Variants in AUTS2 observed in about 807,000 individuals in gnomAD.
The protein encoded by AUTS2 is activator of transcription and developmental regulator AUTS2.
In AUTS2, 17 loss-of-function variants were observed where a neutral mutation model predicts 112.4. The ratio of observed to expected loss-of-function variants is 0.15; its 90% CI spans 0.10 to 0.23. The LOEUF is 0.23. Ranked by LOEUF, AUTS2 falls within the 10% of genes least tolerant of loss-of-function variation. The pLI is 1.00. For synonymous variants in AUTS2, 751 were observed against 702.7 expected (o/e 1.07, Z -1.09); for missense variants, 1,510 against 1,701.6 (o/e 0.89, Z 1.98).
chr7:70,632,447 T>A (rs1805311393), intron 5 of AUTS2, among the ~76,000 whole-genome samples: 1 of 151,944 alleles, frequency 6.6e-6, no homozygotes, highest in South Asian at 2.1e-4. Flanking sequence ...GTGGACCCTG[T>A]GGCTTCTTCA....
chr7:70,558,565 G>A (rs921488602), intron 5 of AUTS2, among the ~76,000 whole-genome samples: 1 of 152,176 alleles, frequency 6.6e-6, no homozygotes, highest in Non-Finnish European at 1.5e-5. Context: ...TGGGAAACTT[G>A]TATGGAAGCA....
At chr7:70,458,619 G>A (rs754048836) in intron 5 of AUTS2, among the ~76,000 whole-genome samples, 5 of 152,158 alleles carry the variant, frequency 3.3e-5, no homozygotes, top group Non-Finnish European at 5.9e-5. Context: ...TGTTTTTTAG[G>A]GTGGAGGGAA....
intron 1 of AUTS2, among the ~76,000 whole-genome samples, chr7:69,679,640 T>A (rs1213468978): frequency 6.6e-6 from 1 of 152,200 alleles, no homozygotes; most frequent in East Asian, 1.9e-4. Flanking sequence ...AAAATACTTC[T>A]GGGAATGATC....
At chr7:70,671,406 G>A (rs1807635240) in intron 5 of AUTS2, among the ~76,000 whole-genome samples, 1 of 152,152 alleles carries the variant, frequency 6.6e-6, no homozygotes, top group African/African-American at 2.4e-5. Flanking sequence ...GATAGCCCTA[G>A]CCCCTAGAAT....
At chr7:69,848,043 A>G (rs1792288841) in intron 1 of AUTS2, among the ~76,000 whole-genome samples, 2 of 152,226 alleles carry the variant, frequency 1.3e-5, no homozygotes. Flanking sequence ...GATAGAGAAC[A>G]GCCATCTGTA....
chr7:70,418,103 G>GTC (rs1554396537), intron 4 of AUTS2, among the ~76,000 whole-genome samples: 14 of 149,008 alleles, frequency 9.4e-5, no homozygotes, highest in African/African-American at 2.7e-4. Context: ...GTGTGTGTGT[G>GTC]TGTGTGTGTC....
intron 2 of AUTS2, among the ~76,000 whole-genome samples, chr7:70,110,125 T>C (rs1804989864): frequency 1.3e-5 from 2 of 152,244 alleles, no homozygotes; most frequent in South Asian, 2.1e-4. Context: ...ATAGTAATGA[T>C]GTCAAAGTCG....
intron 4 of AUTS2, among the ~76,000 whole-genome samples, chr7:70,249,883 A>G (rs932938590): frequency 3.9e-5 from 5 of 127,222 alleles, no homozygotes; most frequent in East Asian, 2.3e-4. Context: ...AAAATATTTT[A>G]AGTAAAATAT....
intron 4 of AUTS2, among the ~76,000 whole-genome samples, chr7:70,422,513 A>C (rs1339492436): frequency 1.3e-5 from 2 of 152,204 alleles, no homozygotes; most frequent in Admixed American, 1.3e-4. Flanking sequence ...ATAGTGGCTC[A>C]TGCCTGTAAT....
intron 5 of AUTS2, among the ~76,000 whole-genome samples, chr7:70,662,874 T>C (rs112536844): frequency 0.024 from 3,615 of 152,310 alleles, 124 homozygotes; most frequent in East Asian, 0.071. Flanking sequence ...TAAATTGATG[T>C]TGTGTTTCTT....
intron 5 of AUTS2, among the ~76,000 whole-genome samples, chr7:70,629,053 G>A (rs1484191173): frequency 2.6e-5 from 4 of 152,128 alleles, no homozygotes; most frequent in Admixed American, 1.3e-4. Flanking sequence ...CGGGGCAGTC[G>A]GGTTTGCTGT....
intron 1 of AUTS2, among the ~76,000 whole-genome samples, chr7:69,678,813 A>G (rs1404879980): frequency 6.6e-6 from 1 of 152,242 alleles, no homozygotes; most frequent in Non-Finnish European, 1.5e-5. Context: ...AGATCCATCT[A>G]TTTCAGAGAA....
At chr7:70,053,731 A>T (rs1801866999) in intron 2 of AUTS2, among the ~76,000 whole-genome samples, 1 of 151,998 alleles carries the variant, frequency 6.6e-6, no homozygotes, top group Non-Finnish European at 1.5e-5. Flanking sequence ...TTTTGTAAAG[A>T]CAGGGTCTCT....
intron 2 of AUTS2, among the ~76,000 whole-genome samples, chr7:70,087,262 A>C (rs1232297593): frequency 7.1e-6 from 1 of 140,030 alleles, no homozygotes; most frequent in Non-Finnish European, 1.6e-5. Context: ...TGGCAAATTT[A>C]ACTGATTTTC....
intron 5 of AUTS2, among the ~76,000 whole-genome samples, chr7:70,621,586 G>A (rs1373262878): frequency 6.6e-6 from 1 of 152,158 alleles, no homozygotes; most frequent in Non-Finnish European, 1.5e-5. Context: ...AGATCTTTGA[G>A]GGGTGGGAGG....
chr7:70,435,620 A>C (rs963158351), intron 4 of AUTS2, 132 bp from the exon 5 acceptor site: 1 of 875,816 alleles, frequency 1.1e-6, no homozygotes, highest in Middle Eastern at 2.2e-4. Flanking sequence ...CTTTCTTTCC[A>C]GGAAGACAGC....
intron 2 of AUTS2, among the ~76,000 whole-genome samples, chr7:70,002,690 G>T (rs1327257323): frequency 3.9e-5 from 6 of 152,094 alleles, no homozygotes; most frequent in East Asian, 1.9e-4. Context: ...TAGTTAGCTG[G>T]CAATAAAGCT....
intron 9 of AUTS2, among the ~76,000 whole-genome samples, chr7:70,767,711 T>C (rs1415841768): frequency 6.6e-6 from 1 of 152,236 alleles, no homozygotes; most frequent in Non-Finnish European, 1.5e-5. Context: ...CTCTCTGATT[T>C]ATCTGGATAA....
At chr7:70,310,165 T>A (rs1451830973) in intron 4 of AUTS2, among the ~76,000 whole-genome samples, 1 of 150,932 alleles carries the variant, frequency 6.6e-6, no homozygotes, top group African/African-American at 2.4e-5. Flanking sequence ...GATTTTCACG[T>A]TTAGATGCCA....
Sources: gnomAD v4.1 joint callset for allele counts (sites outside exome capture counted in the v4.1 genomes callset) on GRCh38, gnomAD v4.1.1 for gene constraint, MANE v1.5 for transcripts, NCBI Gene and HGNC (gene_info 2026-07-23, HGNC 2026-07-21) for gene names.